Variants in BRF1 observed in about 807,000 individuals in gnomAD.
BRF1 encodes BRF1 general transcription factor IIIB subunit.
Under a neutral mutation model 81.7 loss-of-function variants are expected in BRF1, and 59 were observed. That is an observed-to-expected ratio of 0.72 (90% CI 0.59 to 0.90). The LOEUF (loss-of-function observed/expected upper bound fraction) is 0.90, where lower values mean the gene tolerates loss of function less well. BRF1 is among the 40% of genes least tolerant of loss of function. The pLI is 0.00. For synonymous variants in BRF1, 491 were observed against 395.6 expected, an observed-to-expected ratio of 1.24 and a Z score of -2.86; for missense variants, 1,050 against 936.3, an observed-to-expected ratio of 1.12 and a Z score of -1.58.
chr14:105,226,826 T>G, intron 7 of BRF1, 66 bp from the exon 8 acceptor site: 1 of 1,607,452 alleles, frequency 6.2e-7, no homozygotes, highest in Non-Finnish European at 8.5e-7. Flanking sequence ...AAAACTGAGC[T>G]TTCGCCTGGG....
intron 10 of BRF1, 25 bp from the exon 11 acceptor site, chr14:105,221,939 A>C: frequency 6.5e-7 from 1 of 1,542,962 alleles, no homozygotes; most frequent in Non-Finnish European, 8.7e-7. Flanking sequence ...TCCACCTGTT[A>C]ACCAGGCAGA....
rs2056664338 is a variant in BRF1 at position 105,271,722 on chromosome 14, T to C, written c.439+999A>G. ...CCGAAGGCAGCTCCTGACCCATGTG[T>C]GTGTCTGCAGATGGCAGCAGTGGGC... is the stretch of plus-strand genomic sequence containing the variant. On this transcript the variant is annotated intron_variant, in intron 3 of 17. Transcript: ENST00000547530. The surrounding 1 kb of genome is among the most constrained non-coding windows in gnomAD (Gnocchi z 5.5). 6.6e-6 allele frequency among the ~76,000 whole-genome samples: 1 copy of C among 152,196 alleles called. No individual in the cohort carries two copies. Among genetic ancestry groups the C allele is most frequent in the Non-Finnish European group, 1.5e-5 (1 of 68,034 alleles).
At chr14:105,273,377 C>T (rs1211023962) in intron 2 of BRF1, among the ~76,000 whole-genome samples, 4 of 152,216 alleles carry the variant, frequency 2.6e-5, no homozygotes, top group Admixed American at 6.5e-5. Context: ...GCCCTGCGCC[C>T]GCCAGCCTCT....
At chr14:105,301,174 G>A (rs1285371181), upstream of BRF1, 1 of 153,200 alleles carries the variant, frequency 6.5e-6, no homozygotes, top group African/African-American at 2.4e-5. Context: ...CGCGACCTAA[G>A]GCAGTGGGCG....
At chr14:105,273,995 G>A (rs922659806) in intron 2 of BRF1, among the ~76,000 whole-genome samples, 4 of 152,222 alleles carry the variant, frequency 2.6e-5, no homozygotes, top group Non-Finnish European at 5.9e-5. Context: ...GGAACTGAAT[G>A]TCTCGATATA....
chr14:105,250,760 C>T (rs1486202183), intron 5 of BRF1: 1 of 1,353,908 alleles, frequency 7.4e-7, no homozygotes, highest in African/African-American at 1.5e-5. Context: ...AAAGGCTGCT[C>T]TTAACTTTGT....
intron 3 of BRF1, among the ~76,000 whole-genome samples, chr14:105,264,718 G>A (rs1419614770): frequency 1.3e-5 from 2 of 149,382 alleles, no homozygotes; most frequent in South Asian, 2.1e-4. Flanking sequence ...GCGCATACCT[G>A]TAGTCCCAAC....
intron 1 of BRF1, chr14:105,314,503 T>C (rs1476565676): frequency 6.9e-6 from 1 of 144,406 alleles, no homozygotes. Context: ...CGCAGGCGCG[T>C]GAGTGCGCGC....
Position 105,271,251 on chromosome 14 carries a change from C to A in BRF1, c.439+1470G>T, listed in dbSNP as rs1369773474. On this transcript the variant is annotated intron_variant, in intron 3 of 17. Transcript: ENST00000547530. This position sits in a 1 kb window ranked among gnomAD's most constrained non-coding sequence, Gnocchi z 5.5. ...CATCTAACGACGAATTCAACAGAAG[C>A]TCAGGACAGGAAGCTGTCAGAGAGC... Among the ~76,000 whole-genome samples the A allele has an allele frequency of 6.6e-6, 1 of 152,252 alleles. No homozygotes were observed. Among genetic ancestry groups the A allele is most frequent in the East Asian group, 1.9e-4 (1 of 5,206 alleles).
chr14:105,249,108 CCGCGCCCGCGCGCGCCCA>C (rs1188889311), intron 5 of BRF1: 10 of 1,499,878 alleles, frequency 6.7e-6, no homozygotes, highest in Non-Finnish European at 8.8e-6. Context: ...CCCGCGGCCC[CCGCGCCCGCGCGCGCCCA>C]CGCCCCCAGC....
At chr14:105,278,116 T>C (rs1483371355) in intron 2 of BRF1, among the ~76,000 whole-genome samples, 1 of 152,186 alleles carries the variant, frequency 6.6e-6, no homozygotes, top group African/African-American at 2.4e-5. Context: ...AGCCATAGCC[T>C]GCGAGTCTCC....
chr14:105,294,174 A>T (rs1352925219), intron 1 of BRF1, among the ~76,000 whole-genome samples: 1 of 152,154 alleles, frequency 6.6e-6, no homozygotes, highest in Non-Finnish European at 1.5e-5. Context: ...CTCTCGGCCC[A>T]GGCACCACCT....
In BRF1 at chr14:105,209,323, A is replaced by G; in HGVS notation, c.*1228T>C. On this transcript the variant is annotated 3_prime_UTR_variant, in exon 18 of 18. Transcript: ENST00000547530. ...AACAACAGATCTTCCTGCTTTACTA[A>G]ATCTATTCTTCCCCCAAGCCCTCGA... 1.8e-6 allele frequency: 1 copy of G among 549,818 alleles called. No individual in the cohort carries two copies. The highest frequency in any genetic ancestry group is 3.2e-5 in the East Asian group (1 of 30,998). The allele number at this position is 549,818 out of a possible 1,614,324, so 34.1% of individuals were successfully genotyped here. A position where few individuals can be genotyped will look rare whatever the true frequency, so the allele number is the denominator to read the frequency against.
chr14:105,215,043 G>A (rs749046536), intron 15 of BRF1, among the ~76,000 whole-genome samples: 7 of 152,192 alleles, frequency 4.6e-5, no homozygotes, highest in Non-Finnish European at 1.0e-4. Flanking sequence ...CAGCCCTGAG[G>A]TCTTCATGCT....
At chr14:105,283,298 G>C (rs587686846) in intron 2 of BRF1, among the ~76,000 whole-genome samples, 8 of 152,308 alleles carry the variant, frequency 5.3e-5, no homozygotes, top group Non-Finnish European at 1.2e-4. Flanking sequence ...GCCTGGCCCG[G>C]GGCAGGCGGG....
chr14:105,243,251 G>A (rs2054835235), intron 5 of BRF1, among the ~76,000 whole-genome samples: 1 of 146,480 alleles, frequency 6.8e-6, no homozygotes, highest in Non-Finnish European at 1.5e-5. Context: ...GACCACCCTG[G>A]ACACCATAGT....
In BRF1 at chr14:105,284,572, A is replaced by C. The variant is rs73353774; in HGVS notation, c.265+1724T>G. The stretch of plus-strand genomic sequence containing the variant: ...CTTCCAGCATCCACACTAAGGCTGC[A>C]GGACATGGCTGCACCGATCACAAGA... On this transcript the variant is annotated intron_variant, in intron 2 of 17. Coordinates refer to ENST00000547530, the MANE Select transcript of BRF1 (RefSeq NM_001519.4). The surrounding 1 kb of genome is among the most constrained non-coding windows in gnomAD (Gnocchi z 4.0). Among the ~76,000 whole-genome samples, 18 of 152,148 alleles carry C rather than the reference A, an allele frequency of 1.2e-4. No homozygotes were observed. The highest frequency in any genetic ancestry group is 2.1e-4 in the Non-Finnish European group (14 of 68,038).
Position 105,221,765 on chromosome 14 carries a change from C to T in BRF1, c.1198G>A (p.Glu400Lys), listed in dbSNP as rs753860259. 14 of 1,611,528 alleles carry T rather than the reference C, an allele frequency of 8.7e-6. No homozygotes were observed. Among genetic ancestry groups the T allele is most frequent in the African/African-American group, 2.7e-5 (2 of 74,988 alleles). The part of the protein sequence containing the change: ...PGSSEAAGSP[E>K]WGGRPPALGS... ...AGGGCCGGAGGTCTGCCGCCCCACTCGGGGCTTCCTGCTGCTTCCGAGCTG... is the reference window on the plus strand; with the variant it reads ...AGGGCCGGAGGTCTGCCGCCCCACTTGGGGCTTCCTGCTGCTTCCGAGCTG... The change falls in exon 11 of 18, where the codon GAG (glutamate) becomes AAG (lysine). Residue 400 changes from glutamate (E) to lysine (K), a missense_variant. Glu to Lys is a moderately conservative substitution (Grantham distance 56). Transcript: ENST00000547530.
At chr14:105,265,900 C>CAA (rs34375627) in intron 3 of BRF1, among the ~76,000 whole-genome samples, 2,564 of 75,576 alleles carry the variant, frequency 0.034, 113 homozygotes, top group African/African-American at 0.091. Flanking sequence ...GACTCCCTCT[C>CAA]AAAAAAAAAA....
Sources: allele counts gnomAD v4.1 joint callset (sites outside exome capture counted in the v4.1 genomes callset), GRCh38; gene constraint gnomAD v4.1.1; non-coding constraint Gnocchi (gnomAD v3.1); transcripts MANE v1.5; gene names NCBI Gene and HGNC (gene_info 2026-07-23, HGNC 2026-07-21).